DPP6: variants seen among roughly 807,000 people sequenced by gnomAD.
DPP6 encodes the protein dipeptidyl peptidase like 6.
In DPP6, 69 loss-of-function variants were observed where a neutral mutation model predicts 122.6. That is an observed-to-expected ratio of 0.56 (90% confidence interval 0.46 to 0.69). The LOEUF (loss-of-function observed/expected upper bound fraction) is 0.69. Ranked by LOEUF, DPP6 falls within the 30% of genes least tolerant of loss-of-function variation. The probability of loss-of-function intolerance (pLI) is 0.00; values close to 1 mark genes in which losing one functional copy is unlikely to be tolerated. For missense variants in DPP6, 928 were observed against 1,116.9 expected, an observed-to-expected ratio of 0.83 and a Z score of 2.41; for synonymous variants, 418 against 433.1, an observed-to-expected ratio of 0.97 and a Z score of 0.43.
the DPP6 span, among the ~76,000 whole-genome samples, chr7:153,875,456 T>C: frequency 1.3e-5 from 2 of 152,042 alleles, no homozygotes; most frequent in African/African-American, 2.4e-5. Context: ...CAAGGGAATA[T>C]TGATTGTACA....
the DPP6 span, among the ~76,000 whole-genome samples, chr7:153,756,720 A>G: frequency 2.0e-5 from 3 of 151,906 alleles, no homozygotes; most frequent in African/African-American, 7.2e-5. Context: ...CAAAACTTAA[A>G]TCATCCCCAA....
chr7:154,870,240 C>A (rs1436051477), intron 18 of DPP6, among the ~76,000 whole-genome samples: 1 of 151,132 alleles, frequency 6.6e-6, no homozygotes. Flanking sequence ...CCTCAGTCCC[C>A]CAAAGTGCCA....
At chr7:154,309,995 G>A (rs1345974985) in intron 1 of DPP6, among the ~76,000 whole-genome samples, 1 of 152,208 alleles carries the variant, frequency 6.6e-6, no homozygotes, top group Non-Finnish European at 1.5e-5. Flanking sequence ...AGGTTCTTAG[G>A]ATTGTGTAGA....
At chr7:153,754,064 C>G in the DPP6 span, among the ~76,000 whole-genome samples, 1 of 152,154 alleles carries the variant, frequency 6.6e-6, no homozygotes, top group Admixed American at 6.5e-5. Flanking sequence ...TTTGCCAGCT[C>G]TAGGTATTAC....
chr7:154,890,614 A>G (rs1306556989), intron 25 of DPP6: 1 of 152,260 alleles, frequency 6.6e-6, no homozygotes, highest in Non-Finnish European at 1.5e-5. Flanking sequence ...CCCCAGGTAC[A>G]GAGCAGCCTG....
intron 1 of DPP6, among the ~76,000 whole-genome samples, chr7:154,127,569 G>A (rs1807979114): frequency 6.6e-6 from 1 of 150,706 alleles, no homozygotes; most frequent in Non-Finnish European, 1.5e-5. Context: ...GTCATGCTGG[G>A]GGAGTTGGGG....
At chr7:154,176,676 G>A (rs533080494) in intron 1 of DPP6, among the ~76,000 whole-genome samples, 4 of 152,236 alleles carry the variant, frequency 2.6e-5, no homozygotes, top group African/African-American at 7.2e-5. Flanking sequence ...TCTCCAATGC[G>A]CTGGGTCTCT....
chr7:154,195,801 C>T (rs1197693955), intron 1 of DPP6, among the ~76,000 whole-genome samples: 3 of 130,152 alleles, frequency 2.3e-5, no homozygotes, highest in African/African-American at 8.1e-5. Context: ...CAGGTAGGTC[C>T]TTCTTCTTCA....
chr7:154,116,757 C>T (rs1465795929), intron 1 of DPP6, among the ~76,000 whole-genome samples: 1 of 152,066 alleles, frequency 6.6e-6, no homozygotes, highest in Non-Finnish European at 1.5e-5. Flanking sequence ...AATCAGATAC[C>T]TCAATTAGTC....
intron 1 of DPP6, among the ~76,000 whole-genome samples, chr7:153,966,677 T>C (rs1182901384): frequency 6.6e-6 from 1 of 151,556 alleles, no homozygotes; most frequent in Admixed American, 6.6e-5. Context: ...TATGTATACA[T>C]GTGTTGGCTT....
the DPP6 span, among the ~76,000 whole-genome samples, chr7:153,875,896 CAAA>C: frequency 1.7e-5 from 1 of 59,196 alleles, no homozygotes; most frequent in Non-Finnish European, 3.5e-5. Flanking sequence ...AGGCAGCTCA[CAAA>C]AAAAGCTGCC....
intron 1 of DPP6, among the ~76,000 whole-genome samples, chr7:154,308,167 G>A (rs1806527495): frequency 6.6e-6 from 1 of 151,956 alleles, no homozygotes; most frequent in Non-Finnish European, 1.5e-5. Flanking sequence ...TTCTTTACCA[G>A]CCTTGGTATT....
rs975112463 is a variant in DPP6, at chr7:154,676,471, C to T, written c.762+7030C>T. ...CATGTGACCTGCTACACAGGTGTTC[C>T]AGGCTGCGGCCATGGGGTGTGCTGT... On this transcript the variant is annotated intron_variant, in intron 7 of 25. Transcript: ENST00000377770. Among the ~76,000 whole-genome samples, 13 of 123,452 alleles carry T rather than the reference C, an allele frequency of 1.1e-4. No homozygotes were observed. The East Asian group carries it at 2.6e-3, about 24-fold the overall frequency. The allele number at this position is 123,452 out of a possible 152,430, so 81.0% of individuals were successfully genotyped here.
intron 10 of DPP6, among the ~76,000 whole-genome samples, chr7:154,776,567 C>G (rs1796585561): frequency 6.6e-6 from 1 of 152,124 alleles, no homozygotes. Context: ...GTTGTTGAGG[C>G]AGGGACGTTA....
At chr7:154,353,536 C>T (rs1811045111) in intron 1 of DPP6, among the ~76,000 whole-genome samples, 1 of 152,158 alleles carries the variant, frequency 6.6e-6, no homozygotes, top group Non-Finnish European at 1.5e-5. Context: ...CATTTTAAAT[C>T]TTTCCATGTG....
intron 1 of DPP6, among the ~76,000 whole-genome samples, chr7:154,258,150 C>G (rs117837104): frequency 3.6e-5 from 3 of 82,350 alleles, no homozygotes; most frequent in South Asian, 4.7e-4. Flanking sequence ...GGAGGGGAGG[C>G]GAGGGGAGGG....
intron 8 of DPP6, among the ~76,000 whole-genome samples, chr7:154,740,556 G>A (rs1842772042): frequency 6.6e-6 from 1 of 152,206 alleles, no homozygotes. Context: ...GGGTGGACCA[G>A]ATAATGCTAA....
chr7:154,393,186 G>A (rs1160236199), intron 1 of DPP6, among the ~76,000 whole-genome samples: 1 of 152,168 alleles, frequency 6.6e-6, no homozygotes, highest in African/African-American at 2.4e-5. Context: ...AGTCTAAACG[G>A]CTGAGGAATG....
intron 16 of DPP6, among the ~76,000 whole-genome samples, chr7:154,843,126 T>C (rs1459077939): frequency 6.6e-6 from 1 of 152,172 alleles, no homozygotes; most frequent in East Asian, 1.9e-4. Flanking sequence ...TATGCTTTCA[T>C]TTAAAAGCGT....
Sources: gnomAD v4.1 joint callset for allele counts (sites outside exome capture counted in the v4.1 genomes callset) on GRCh38, gnomAD v4.1.1 for gene constraint, MANE v1.5 for transcripts, NCBI Gene and HGNC (gene_info 2026-07-23, HGNC 2026-07-21) for gene names.